Variants in CYB561A3 observed in about 807,000 individuals in gnomAD.
CYB561A3 encodes cytochrome b561 family member A3.
Under a neutral mutation model 25.3 loss-of-function variants are expected in CYB561A3, and 16 were observed. That is an observed-to-expected ratio of 0.63 (90% CI 0.43 to 0.96). CYB561A3 has a LOEUF of 0.96. Ranked by LOEUF, CYB561A3 falls within the 40% of genes least tolerant of loss-of-function variation. The pLI, the probability that CYB561A3 is intolerant of heterozygous loss-of-function variation, is 0.00. For synonymous variants in CYB561A3, 131 were observed against 129.9 expected, an observed-to-expected ratio of 1.01 and a Z score of -0.06; for missense variants, 219 against 307.5, an observed-to-expected ratio of 0.71 and a Z score of 2.15.
At chr11:61,358,615 G>C (rs1333167000) in intron 1 of CYB561A3, 1 of 152,062 alleles carries the variant, frequency 6.6e-6, no homozygotes, top group African/African-American at 2.4e-5. Flanking sequence ...GTCCCAGCTA[G>C]CTACTCGGTA....
intron 1 of CYB561A3, chr11:61,361,097 C>T (rs1857857956): frequency 1.3e-5 from 2 of 152,218 alleles, no homozygotes. Flanking sequence ...TGCTCTCCCT[C>T]CCCGATGGAC....
At chr11:61,362,149 G>A (rs907153444), upstream of CYB561A3, 1 of 152,326 alleles carries the variant, frequency 6.6e-6, no homozygotes, top group Non-Finnish European at 1.5e-5. Context: ...CTCCCACTAC[G>A]AGCCGGCCCT....
Position 61,356,620 on chromosome 11 carries a change from G to A in CYB561A3, c.94C>T (p.Arg32Cys), listed in dbSNP as rs780362419. 24 of 1,613,996 alleles carry A rather than the reference G, an allele frequency of 1.5e-5. No individual in the cohort carries two copies. The highest frequency in any genetic ancestry group is 1.9e-5 in the Non-Finnish European group (23 of 1,180,022). The stretch of plus-strand genomic sequence containing the variant: ...CTGCCATTCCAGGCAAAGCCACCAC[G>A]CCAGTACTGCATCCAGTAGATAGTG... Reference protein sequence around the residue: ...LFTIYWMQYWRGGFAWNGSIY... With the variant: ...LFTIYWMQYWCGGFAWNGSIY... The change falls in exon 3 of 7, where the codon CGT becomes TGT. Residue 32 changes from arginine to cysteine, a missense_variant. Arg to Cys is a radical substitution (Grantham distance 180). Transcript: ENST00000294072.
upstream of CYB561A3, chr11:61,362,111 G>A (rs915643705): frequency 6.6e-6 from 1 of 152,434 alleles, no homozygotes; most frequent in Non-Finnish European, 1.5e-5. Flanking sequence ...ATCCAGAGGA[G>A]GCGGAAATGT....
At chr11:61,361,158 C>A (rs1360082439) in intron 1 of CYB561A3, 1 of 152,128 alleles carries the variant, frequency 6.6e-6, no homozygotes, top group Admixed American at 6.6e-5. Flanking sequence ...AAGCCCTAAA[C>A]CCTCATCTTA....
At chr11:61,358,302 C>A (rs943658975) in intron 1 of CYB561A3, 1 of 151,866 alleles carries the variant, frequency 6.6e-6, no homozygotes, top group African/African-American at 2.4e-5. Context: ...TGTAATCAAT[C>A]CCAGCTACTC....
chr11:61,352,972 C>G lies in CYB561A3; in HGVS notation c.548+13G>C. The G allele has an allele frequency of 1.9e-6, 3 of 1,614,092 alleles. No homozygotes were observed. Among genetic ancestry groups the G allele is most frequent in the Non-Finnish European group, 1.7e-6 (2 of 1,180,020 alleles). On this transcript the variant is annotated intron_variant, in intron 5 of 6. Transcript: ENST00000294072. ...CCTCTTCACCTTAGAGTTGGGGACCCCACTGCACTCACAAACTGAAGAAAA... is the reference window on the plus strand; with the variant it reads ...CCTCTTCACCTTAGAGTTGGGGACCGCACTGCACTCACAAACTGAAGAAAA...
At position 61,350,163 on chromosome 11, in the gene CYB561A3, G is replaced by C; in HGVS notation, c.*236C>G. The stretch of plus-strand genomic sequence containing the variant: ...CCAGGCAAAGCCACCAAGGAAAGCA[G>C]ACAGGCAGCAAGCGGCCGGAGAGGG... On this transcript the variant is annotated 3_prime_UTR_variant, in exon 7 of 7. Coordinates refer to ENST00000294072, the MANE Select transcript of CYB561A3 (RefSeq NM_153611.6). 1.7e-6 allele frequency: 1 copy of C among 598,262 alleles called. No homozygotes were observed. The highest frequency in any genetic ancestry group is 3.0e-6 in the Non-Finnish European group (1 of 338,860). The allele number at this position is 598,262 out of a possible 1,614,324, so 37.1% of individuals were successfully genotyped here.
chr11:61,357,481 G>C, intron 2 of CYB561A3: 1 of 456,820 alleles, frequency 2.2e-6, no homozygotes, highest in South Asian at 2.5e-5. Flanking sequence ...AACCAACTCT[G>C]GTTTCAGGCA....
At chr11:61,351,242 C>A in intron 5 of CYB561A3, 95 bp from the exon 6 acceptor site, 1 of 1,333,526 alleles carries the variant, frequency 7.5e-7, no homozygotes, top group Non-Finnish European at 1.0e-6. Context: ...GGTGAGAAAA[C>A]CTTCCCGGGT....
intron 5 of CYB561A3, 28 bp from the exon 6 acceptor site, chr11:61,351,175 T>C (rs1298344539): frequency 2.5e-6 from 4 of 1,585,372 alleles, no homozygotes; most frequent in Non-Finnish European, 3.4e-6. Context: ...ATGTGAGCCC[T>C]CGAGAGATTT....
rs1457280176 is a variant in CYB561A3, at chr11:61,349,165, A to C, written c.*1234T>G. 2 of 219,560 alleles carry C rather than the reference A, an allele frequency of 9.1e-6. No individual in the cohort carries two copies. Among genetic ancestry groups the C allele is most frequent in the Non-Finnish European group, 1.9e-5 (2 of 104,862 alleles). 13.6% of individuals were successfully genotyped at this position (219,560 alleles called of 1,614,324 possible). A position where few individuals can be genotyped will look rare whatever the true frequency, so the allele number is the denominator to read the frequency against. On this transcript the variant is annotated 3_prime_UTR_variant, in exon 7 of 7. Transcript: ENST00000294072. ...GCCACAGCAGCAACACTTAGGAGCA[A>C]GACCCTTCCCGCTCTCCACCCTATT...
chr11:61,356,586 A>G lies in CYB561A3; in HGVS notation c.128T>C (p.Met43Thr), dbSNP rs1200289756. 1.2e-6 allele frequency: 2 copies of G among 1,614,184 alleles called. No individual in the cohort carries two copies. The highest frequency in any genetic ancestry group is 1.7e-6 in the Non-Finnish European group (2 of 1,180,038). The change falls in exon 3 of 7, where the codon ATG becomes ACG. Residue 43 changes from methionine (M) to threonine (T), a missense_variant. By Grantham distance (81) the Met-to-Thr change is moderately conservative. Transcript: ENST00000294072. Reference protein sequence around the residue: ...GGFAWNGSIYMFNWHPVLMVA... With the variant: ...GGFAWNGSIYTFNWHPVLMVA... ...CATAAGCACTGGGTGCCAGTTGAAC[A>G]TGTAGATGCTGCCATTCCAGGCAAA...
chr11:61,350,984 C>A lies in CYB561A3; in HGVS notation c.705+7G>T. 5 of 1,612,130 alleles carry A rather than the reference C, an allele frequency of 3.1e-6. No homozygotes were observed. The highest frequency in any genetic ancestry group is 4.2e-6 in the Non-Finnish European group (5 of 1,179,108). On this transcript the variant is annotated splice_region_variant and intron_variant, in intron 6 of 6. Transcript: ENST00000294072. ...CCCACCCTGGAATGTGGGACTGGAA[C>A]CCATACCTGTCTGTCGGTCAGGATC...
rs1373228655 is a variant in CYB561A3, at chr11:61,353,850, C to G, written c.327G>C (p.Arg109Ser). The G allele has an allele frequency of 6.2e-7, 1 of 1,614,194 alleles. No individual in the cohort carries two copies. The highest frequency in any genetic ancestry group is 1.7e-5 in the Admixed American group (1 of 60,020). Residue 109 changes from arginine to serine, a missense_variant, in exon 4 of 7, where the codon AGG becomes AGC. Transcript: ENST00000294072. Reference protein sequence around the residue: ...VAVFTFHNHGRTANLYSLHSW... With the variant: ...VAVFTFHNHGSTANLYSLHSW... ...TGTGAAGGGAGTAGAGGTTGGCAGT[C>G]CTTCCATGGTTGTGAAACGTAAAGA...
Position 61,352,975 on chromosome 11 carries a change from C to T in CYB561A3, c.548+10G>A, listed in dbSNP as rs780168879. On this transcript the variant is annotated intron_variant, in intron 5 of 6. Coordinates refer to ENST00000294072, the MANE Select transcript of CYB561A3 (RefSeq NM_153611.6). ...CTTCACCTTAGAGTTGGGGACCCCA[C>T]TGCACTCACAAACTGAAGAAAAGCT... 1.9e-6 allele frequency: 3 copies of T among 1,614,056 alleles called. No individual in the cohort carries two copies. The highest frequency in any genetic ancestry group is 2.7e-5 in the African/African-American group (2 of 74,930).
chr11:61,362,177 G>A (rs898411820), upstream of CYB561A3: 1 of 152,328 alleles, frequency 6.6e-6, no homozygotes, highest in South Asian at 2.1e-4. Flanking sequence ...GCCGTGCGCA[G>A]TGTGGGCGGG....
chr11:61,350,967 G>A, intron 6 of CYB561A3, 24 bp downstream of exon 6: 2 of 1,605,338 alleles, frequency 1.2e-6, no homozygotes, highest in Non-Finnish European at 1.7e-6. Context: ...GTCCCACCCT[G>A]GAATGTGGGA....
intron 3 of CYB561A3, among the ~76,000 whole-genome samples, chr11:61,354,981 G>A (rs1291248779): frequency 6.7e-6 from 1 of 150,290 alleles, no homozygotes; most frequent in Non-Finnish European, 1.5e-5. Context: ...CCATTCTCCT[G>A]CCTCAGCCTC....
Sources: gnomAD v4.1 joint callset for allele counts (sites outside exome capture counted in the v4.1 genomes callset) on GRCh38, gnomAD v4.1.1 for gene constraint, MANE v1.5 for transcripts, NCBI Gene and HGNC (gene_info 2026-07-23, HGNC 2026-07-21) for gene names.